Variants in ZNF469 observed in about 807,000 individuals in gnomAD.
ZNF469 encodes the protein zinc finger protein 469.
A neutral mutation model predicts 1.0 loss-of-function variants in ZNF469; 1 was observed. The observed-to-expected ratio is 1.00, with a 90% CI of 0.35 to 4.73. The LOEUF is 4.73. Ranked by LOEUF, ZNF469 falls within the 30% of genes most tolerant of loss-of-function variation. The pLI is 0.16. For missense variants in ZNF469, 6,100 were observed against 5,356.3 expected, an observed-to-expected ratio of 1.14 and a Z score of -4.33; for synonymous variants, 2,703 against 2,363.4, an observed-to-expected ratio of 1.14 and a Z score of -4.17.
intron 1 of ZNF469, among the ~76,000 whole-genome samples, chr16:88,416,501 C>T (rs1480607358): frequency 6.6e-6 from 1 of 152,178 alleles, no homozygotes; most frequent in African/African-American, 2.4e-5. Context: ...GTGACTTCGG[C>T]AGGATCTCCA....
Position 88,438,862 on chromosome 16 carries a change from G to A in ZNF469, c.11392G>A (p.Glu3798Lys). The change falls in exon 3 of 3, where the codon GAG becomes AAG. Residue 3798 changes from glutamate (E) to lysine (K), a missense_variant. Physicochemically the swap from Glu to Lys is moderately conservative, Grantham distance 56. Coordinates refer to ENST00000565624, the MANE Select transcript of ZNF469 (RefSeq NM_001367624.2). The part of the protein sequence containing the change: ...SCTKGPREAG[E>K]QGPHGSLGPK... ...CACCAAGGGGCCAAGGGAAGCTGGT[G>A]AGCAGGGGCCCCACGGGAGCCTAGG... 1.9e-6 allele frequency: 3 copies of A among 1,550,452 alleles called. No individual in the cohort carries two copies. Among genetic ancestry groups the A allele is most frequent in the Non-Finnish European group, 2.6e-6 (3 of 1,146,978 alleles).
At chr16:88,292,476 G>A in the ZNF469 span, among the ~76,000 whole-genome samples, 338 of 152,296 alleles carry the variant, frequency 2.2e-3, no homozygotes, top group African/African-American at 7.6e-3. Context: ...CCCCAGTGGG[G>A]TCCGGGGACC....
At chr16:88,281,475 G>A in the ZNF469 span, among the ~76,000 whole-genome samples, 10 of 148,128 alleles carry the variant, frequency 6.8e-5, no homozygotes, top group South Asian at 2.2e-4. Flanking sequence ...GGTCAGTACC[G>A]TGTCAATTTT....
the ZNF469 span, among the ~76,000 whole-genome samples, chr16:88,227,080 TCCTCCGCGCCGGGGCCTGCGCGTTTC>T: frequency 8.7e-6 from 1 of 115,060 alleles, no homozygotes; most frequent in African/African-American, 3.7e-5. Context: ...CACCCGTGCC[TCCTCCGCGCCGGGGCCTGCGCGTTTC>T]CACCCGTCCC....
At chr16:88,408,741 G>GC (rs145265189) in intron 1 of ZNF469, among the ~76,000 whole-genome samples, 12,525 of 152,256 alleles carry the variant, frequency 0.082, 613 homozygotes, top group Non-Finnish European at 0.11. Context: ...CTCCCGCCTG[G>GC]CCCCCGTCCC....
chr16:88,422,323 T>TA, intron 1 of ZNF469, among the ~76,000 whole-genome samples: 1 of 128,198 alleles, frequency 7.8e-6, no homozygotes, highest in African/African-American at 3.0e-5. Context: ...GATGGGTGAG[T>TA]GATGGATGGA....
the ZNF469 span, among the ~76,000 whole-genome samples, chr16:88,368,002 C>T: frequency 3.3e-5 from 5 of 152,210 alleles, no homozygotes; most frequent in Non-Finnish European, 7.3e-5. Context: ...CTCAACTCCA[C>T]TCCAGATGAG....
Position 88,427,375 on chromosome 16 carries a change from C to G in ZNF469, c.-96C>G. The G allele has an allele frequency of 7.9e-7, 1 of 1,273,330 alleles. No homozygotes were observed. The highest frequency in any genetic ancestry group is 1.5e-5 in the African/African-American group (1 of 66,482). The allele number at this position is 1,273,330 out of a possible 1,614,324, so 78.9% of individuals were successfully genotyped here. A position where few individuals can be genotyped will look rare whatever the true frequency, so the allele number is the denominator to read the frequency against. ...ACTCAGGACCATGAGCGCAGGCTTC[C>G]CTGGGGCCCATCGAGGGCTGAGGAT... On this transcript the variant is annotated 5_prime_UTR_variant, in exon 3 of 3. Coordinates refer to ENST00000565624, the MANE Select transcript of ZNF469 (RefSeq NM_001367624.2).
At chr16:88,376,971 G>A in the ZNF469 span, among the ~76,000 whole-genome samples, 2 of 152,220 alleles carry the variant, frequency 1.3e-5, no homozygotes, top group Admixed American at 6.5e-5. Flanking sequence ...GGCTCTGCCC[G>A]CTCATGCCGC....
chr16:88,424,141 C>T lies in ZNF469; in HGVS notation c.-191-666C>T, dbSNP rs534269716. ...CTGTATTGTTTCTAAGGGCCGAATG[C>T]AGGCAGCAGCCCAGTGTCCATCCAG... On this transcript the variant is annotated intron_variant, in intron 1 of 2. Transcript: ENST00000565624. This position sits in a 1 kb window ranked among gnomAD's most constrained non-coding sequence, Gnocchi z 4.3. Among the ~76,000 whole-genome samples, 47 of 152,348 alleles carry T rather than the reference C, an allele frequency of 3.1e-4. No homozygotes were observed. The highest frequency in any genetic ancestry group is 7.7e-4 in the East Asian group (4 of 5,190).
chr16:88,363,384 G>C, the ZNF469 span, among the ~76,000 whole-genome samples: 1 of 152,194 alleles, frequency 6.6e-6, no homozygotes, highest in South Asian at 2.1e-4. Context: ...CAGACAGCAA[G>C]CATTTAAGTT....
the ZNF469 span, among the ~76,000 whole-genome samples, chr16:88,226,136 G>A: frequency 1.3e-5 from 2 of 152,198 alleles, no homozygotes; most frequent in African/African-American, 2.4e-5. Flanking sequence ...CGTCTGTGCT[G>A]GGGGTGGAGG....
At chr16:88,128,059 C>T in the ZNF469 span, among the ~76,000 whole-genome samples, 4 of 152,198 alleles carry the variant, frequency 2.6e-5, no homozygotes, top group Non-Finnish European at 4.4e-5. Flanking sequence ...CTCAGCCCAC[C>T]GGCCTCTAGT....
chr16:88,224,688 C>A, the ZNF469 span, among the ~76,000 whole-genome samples: 1 of 152,202 alleles, frequency 6.6e-6, no homozygotes, highest in Non-Finnish European at 1.5e-5. Context: ...GCGAGCTCTG[C>A]CCGTGTGTCT....
the ZNF469 span, among the ~76,000 whole-genome samples, chr16:88,371,984 CCATCACCATCACCAT>C: frequency 2.7e-5 from 3 of 111,166 alleles, no homozygotes; most frequent in Admixed American, 9.0e-5. Flanking sequence ...ACCATCATCA[CCATCACCATCACCAT>C]CATCACCATC....
intron 1 of ZNF469, among the ~76,000 whole-genome samples, chr16:88,405,682 G>A (rs1407083517): frequency 6.6e-6 from 1 of 152,148 alleles, no homozygotes. Flanking sequence ...CCCTGTGGGT[G>A]CTCAGAGTAC....
intron 1 of ZNF469, among the ~76,000 whole-genome samples, chr16:88,394,793 C>T (rs1327405619): frequency 6.6e-6 from 1 of 152,226 alleles, no homozygotes; most frequent in Non-Finnish European, 1.5e-5. Context: ...CATGTGGAGA[C>T]CCCTGGACAC....
chr16:88,129,235 C>A, the ZNF469 span, among the ~76,000 whole-genome samples: 1 of 152,226 alleles, frequency 6.6e-6, no homozygotes, highest in Non-Finnish European at 1.5e-5. Context: ...CTAACACGAG[C>A]CTCAGGCTCC....
the ZNF469 span, among the ~76,000 whole-genome samples, chr16:88,202,263 G>A: frequency 6.6e-6 from 1 of 152,226 alleles, no homozygotes; most frequent in Non-Finnish European, 1.5e-5. Context: ...GACACCAACC[G>A]TGCATTTTCC....
Sources: gnomAD v4.1 joint callset for allele counts (sites outside exome capture counted in the v4.1 genomes callset) on GRCh38, gnomAD v4.1.1 for gene constraint, Gnocchi (gnomAD v3.1) non-coding constraint, MANE v1.5 for transcripts, NCBI Gene and HGNC (gene_info 2026-07-23, HGNC 2026-07-21) for gene names.